The following SHROOM3 variants were observed in gnomAD, a reference collection of about 807,000 sequenced individuals.
SHROOM3 encodes the protein protein Shroom3.
SHROOM3 carries 47 observed loss-of-function variants against 138.6 expected under a neutral mutation model. That is an observed-to-expected ratio of 0.34 (90% CI 0.27 to 0.43). SHROOM3 has a LOEUF of 0.43. Ranked by LOEUF, SHROOM3 falls within the 20% of genes least tolerant of loss-of-function variation. The pLI is 1.00. For synonymous variants in SHROOM3, 1,062 were observed against 1,063.3 expected, an observed-to-expected ratio of 1.00 and a Z score of 0.02; for missense variants, 2,491 against 2,596.5, an observed-to-expected ratio of 0.96 and a Z score of 0.88.
intron 1 of SHROOM3, among the ~76,000 whole-genome samples, chr4:76,470,636 T>G (rs1449327690): frequency 6.6e-6 from 1 of 152,204 alleles, no homozygotes; most frequent in African/African-American, 2.4e-5. Context: ...TATCAAAGGA[T>G]AATTACATGG....
intron 2 of SHROOM3, among the ~76,000 whole-genome samples, chr4:76,690,739 G>C (rs907265531): frequency 6.6e-6 from 1 of 151,952 alleles, no homozygotes; most frequent in African/African-American, 2.4e-5. Flanking sequence ...TTGCAGAAAA[G>C]GTGTAATATA....
chr4:76,615,861 G>A (rs1734863930), intron 2 of SHROOM3, among the ~76,000 whole-genome samples: 1 of 152,172 alleles, frequency 6.6e-6, no homozygotes, highest in South Asian at 2.1e-4. Flanking sequence ...CATCAAGTGA[G>A]GAAGACAACG....
chr4:76,676,668 A>G (rs1007776456), intron 2 of SHROOM3, among the ~76,000 whole-genome samples: 1 of 152,168 alleles, frequency 6.6e-6, no homozygotes, highest in East Asian at 1.9e-4. Flanking sequence ...GAGGGAAACC[A>G]GGGCATGCTT....
chr4:76,454,973 G>A (rs1730998296), intron 1 of SHROOM3, among the ~76,000 whole-genome samples: 1 of 151,976 alleles, frequency 6.6e-6, no homozygotes. Flanking sequence ...GTATAGAAAT[G>A]CTAATTTTTG....
intron 2 of SHROOM3, among the ~76,000 whole-genome samples, chr4:76,658,296 T>G (rs1016543754): frequency 6.6e-6 from 1 of 152,182 alleles, no homozygotes; most frequent in Non-Finnish European, 1.5e-5. Context: ...GCTTCATTTC[T>G]GGAAGAGCCC....
At chr4:76,480,578 G>A (rs1466953963) in intron 1 of SHROOM3, among the ~76,000 whole-genome samples, 1 of 152,068 alleles carries the variant, frequency 6.6e-6, no homozygotes. Flanking sequence ...AGATCAGTGA[G>A]ACAGAAAATT....
intron 2 of SHROOM3, among the ~76,000 whole-genome samples, chr4:76,607,412 T>C (rs948577905): frequency 6.6e-6 from 1 of 152,204 alleles, no homozygotes; most frequent in Non-Finnish European, 1.5e-5. Flanking sequence ...AGATATTCAT[T>C]TAAATTTGAA....
At chr4:76,474,503 A>G (rs1035168986) in intron 1 of SHROOM3, among the ~76,000 whole-genome samples, 5 of 152,234 alleles carry the variant, frequency 3.3e-5, no homozygotes, top group Non-Finnish European at 7.3e-5. Context: ...TGTAATGGTT[A>G]TATTTGACTA....
chr4:76,733,008 G>A (rs758476587), intron 4 of SHROOM3, among the ~76,000 whole-genome samples: 1 of 152,110 alleles, frequency 6.6e-6, no homozygotes, highest in Non-Finnish European at 1.5e-5. Context: ...GAGGGTGAAT[G>A]GCCAGCACAC....
chr4:76,643,141 G>A (rs574841450), intron 2 of SHROOM3, among the ~76,000 whole-genome samples: 1 of 151,174 alleles, frequency 6.6e-6, no homozygotes, highest in Non-Finnish European at 1.5e-5. Flanking sequence ...TTGAACCTGG[G>A]AGATGGAGCT....
chr4:76,469,495 T>C (rs1046071945), intron 1 of SHROOM3, among the ~76,000 whole-genome samples: 1 of 152,086 alleles, frequency 6.6e-6, no homozygotes, highest in African/African-American at 2.4e-5. Context: ...CTCACTGTGT[T>C]GTGCAGGCTG....
At chr4:76,579,892 G>T (rs1156233454) in intron 2 of SHROOM3, among the ~76,000 whole-genome samples, 1 of 152,148 alleles carries the variant, frequency 6.6e-6, no homozygotes, top group Non-Finnish European at 1.5e-5. Context: ...CTTACTCTTT[G>T]ATCTCTCCAG....
chr4:76,657,344 G>A (rs1018398283), intron 2 of SHROOM3, among the ~76,000 whole-genome samples: 1 of 152,106 alleles, frequency 6.6e-6, no homozygotes, highest in Non-Finnish European at 1.5e-5. Flanking sequence ...AAATAATTTT[G>A]AACATTGTGA....
intron 2 of SHROOM3, among the ~76,000 whole-genome samples, chr4:76,671,492 C>T (rs1344971836): frequency 6.6e-6 from 1 of 152,248 alleles, no homozygotes; most frequent in East Asian, 1.9e-4. Context: ...TTGTGCTCTC[C>T]TCCATCCATA....
intron 2 of SHROOM3, among the ~76,000 whole-genome samples, chr4:76,579,161 A>G (rs1374717326): frequency 6.6e-6 from 1 of 152,144 alleles, no homozygotes; most frequent in Non-Finnish European, 1.5e-5. Context: ...CCTGGGCGAC[A>G]GAGTGTCTCA....
intron 2 of SHROOM3, among the ~76,000 whole-genome samples, chr4:76,608,647 A>G (rs532334786): frequency 1.0e-4 from 2 of 19,528 alleles, no homozygotes; most frequent in East Asian, 7.6e-3. Context: ...ATAGCATAGC[A>G]TAGCATAGCA....
chr4:76,692,616 T>C (rs1371819641), intron 2 of SHROOM3, among the ~76,000 whole-genome samples: 1 of 152,170 alleles, frequency 6.6e-6, no homozygotes, highest in South Asian at 2.1e-4. Context: ...CAACCCTACA[T>C]CCATCAACAG....
intron 1 of SHROOM3, among the ~76,000 whole-genome samples, chr4:76,525,037 A>G (rs1356880155): frequency 6.6e-6 from 1 of 152,234 alleles, no homozygotes. Flanking sequence ...ATAACATTTT[A>G]CATTCCCACC....
At chr4:76,500,742 A>G (rs558023857) in intron 1 of SHROOM3, among the ~76,000 whole-genome samples, 26 of 152,172 alleles carry the variant, frequency 1.7e-4, no homozygotes, top group African/African-American at 6.3e-4. Context: ...TTCATTGGCC[A>G]TTTGAATATC....
Sources: gnomAD v4.1 joint callset for allele counts (sites outside exome capture counted in the v4.1 genomes callset) on GRCh38, gnomAD v4.1.1 for gene constraint, MANE v1.5 for transcripts, NCBI Gene and HGNC (gene_info 2026-07-23, HGNC 2026-07-21) for gene names.